Variants in SERF2 observed in about 807,000 individuals in gnomAD.
SERF2 encodes small EDRK-rich factor 2.
SERF2 carries 4 observed loss-of-function variants against 10.7 expected under a neutral mutation model. The observed-to-expected ratio is 0.37, with a 90% CI of 0.18 to 0.86. The LOEUF (loss-of-function observed/expected upper bound fraction) is 0.86. Among genes scored for constraint, SERF2 ranks in the 40% least tolerant of loss-of-function variants. The pLI is 0.43. For missense variants in SERF2, 47 were observed against 79.1 expected (o/e 0.59, Z 1.54); for synonymous variants, 26 against 26.0 (o/e 1.00, Z 0.01).
At position 43,794,731 on chromosome 15, in the gene SERF2, C is replaced by T. The variant is rs1448681889; in HGVS notation, c.*958C>T. On this transcript the variant is annotated 3_prime_UTR_variant, in exon 3 of 3. Coordinates refer to ENST00000249786, the MANE Select transcript of SERF2 (RefSeq NM_001018108.4). Reference sequence around the variant, plus strand: ...GAAAGGGCTGGTGCCACACTGTCTGCTGGGATCAGCGGTGGTTCTTTGAGC... The same window carrying T: ...GAAAGGGCTGGTGCCACACTGTCTGTTGGGATCAGCGGTGGTTCTTTGAGC... 5.0e-6 allele frequency: 2 copies of T among 401,484 alleles called. No individual in the cohort carries two copies. Among genetic ancestry groups the T allele is most frequent in the Non-Finnish European group, 9.1e-6 (2 of 220,246 alleles). 24.9% of individuals were successfully genotyped at this position (401,484 alleles called of 1,614,324 possible). A position where few individuals can be genotyped will look rare whatever the true frequency, so the allele number is the denominator to read the frequency against.
Position 43,795,335 on chromosome 15 carries a change from T to C in SERF2, c.*1562T>C, listed in dbSNP as rs775546000. On this transcript the variant is annotated 3_prime_UTR_variant, in exon 3 of 3. Coordinates refer to ENST00000249786, the MANE Select transcript of SERF2 (RefSeq NM_001018108.4). ...TCTGGAATGGCCTTGAATTGCTCTT[T>C]CCTTAAAATAGCTAGCTCTTCAGGA... 3 of 1,608,878 alleles carry C rather than the reference T, an allele frequency of 1.9e-6. No homozygotes were observed. The highest frequency in any genetic ancestry group is 1.3e-5 in the African/African-American group (1 of 74,892).
At chr15:43,788,523 C>T (rs2087026177), upstream of SERF2, among the ~76,000 whole-genome samples, 3 of 152,112 alleles carry the variant, frequency 2.0e-5, no homozygotes, top group South Asian at 6.2e-4. Flanking sequence ...ATTCTGTCAC[C>T]CAGGCTGGAG....
rs1368949338 is a variant in SERF2 at position 43,794,747 on chromosome 15, T to G, written c.*974T>G. 6.0e-5 allele frequency: 27 copies of G among 452,092 alleles called. 1 individual carries two copies. The highest frequency in any genetic ancestry group is 1.2e-3 in the Middle Eastern group (2 of 1,698). 28.0% of individuals were successfully genotyped at this position (452,092 alleles called of 1,614,324 possible). A position where few individuals can be genotyped will look rare whatever the true frequency, so the allele number is the denominator to read the frequency against. Reference sequence around the variant, plus strand: ...CACTGTCTGCTGGGATCAGCGGTGGTTCTTTGAGCTGCTGATTTGGGTGTT... The same window carrying G: ...CACTGTCTGCTGGGATCAGCGGTGGGTCTTTGAGCTGCTGATTTGGGTGTT... On this transcript the variant is annotated 3_prime_UTR_variant, in exon 3 of 3. Transcript: ENST00000249786.
Position 43,795,661 on chromosome 15 carries a change from T to A in SERF2, c.*1888T>A. Reference sequence around the variant, plus strand: ...TGGCACTCCACAGAGATCTACCACTTCTTATGGTTCCTCACTTGGCACTCA... The same window carrying A: ...TGGCACTCCACAGAGATCTACCACTACTTATGGTTCCTCACTTGGCACTCA... On this transcript the variant is annotated 3_prime_UTR_variant, in exon 3 of 3. Transcript: ENST00000249786. 6.2e-7 allele frequency: 1 copy of A among 1,613,256 alleles called. No homozygotes were observed. The highest frequency in any genetic ancestry group is 1.1e-5 in the South Asian group (1 of 91,054).
chr15:43,792,564 G>C, intron 1 of SERF2, 181 bp downstream of exon 1: 1 of 1,478,616 alleles, frequency 6.8e-7, no homozygotes, highest in African/African-American at 1.4e-5. Flanking sequence ...CTACTTCACG[G>C]GACCACCCTC....
At chr15:43,791,148 A>G (rs560396210), upstream of SERF2, among the ~76,000 whole-genome samples, 62 of 150,710 alleles carry the variant, frequency 4.1e-4, no homozygotes, top group Non-Finnish European at 8.3e-4. Flanking sequence ...ATCTCGGCTC[A>G]CTGCAAGCTC....
rs375673446 is a variant in SERF2, at chr15:43,777,156, C to T, written c.-873C>T. 3.3e-5 allele frequency: 22 copies of T among 671,380 alleles called. No homozygotes were observed. The African/African-American group carries it at 3.4e-4, about 10-fold the overall frequency. 41.6% of individuals were successfully genotyped at this position (671,380 alleles called of 1,614,324 possible). A position where few individuals can be genotyped will look rare whatever the true frequency, so the allele number is the denominator to read the frequency against. ...TAGGATCCGCATGAATCGCTTTGGG[C>T]TATCGGAAGAGCTATCCCCAGTTCT... On this transcript the variant is annotated 5_prime_UTR_variant, in exon 1 of 5. Transcript: ENST00000381359.
At chr15:43,781,714 C>T (rs1449475411) in intron 1 of SERF2, among the ~76,000 whole-genome samples, 1 of 151,026 alleles carries the variant, frequency 6.6e-6, no homozygotes, top group Non-Finnish European at 1.5e-5. Context: ...GCCTCAGCCT[C>T]CTGGGACTAT....
chr15:43,794,740 G>C lies in SERF2; in HGVS notation c.*967G>C, dbSNP rs567698201. ...GGTGCCACACTGTCTGCTGGGATCA[G>C]CGGTGGTTCTTTGAGCTGCTGATTT... On this transcript the variant is annotated 3_prime_UTR_variant, in exon 3 of 3. Coordinates refer to ENST00000249786, the MANE Select transcript of SERF2 (RefSeq NM_001018108.4). The C allele has an allele frequency of 9.1e-6, 4 of 439,360 alleles. No homozygotes were observed. The South Asian group carries it at 1.4e-4, about 15-fold the overall frequency. The allele number at this position is 439,360 out of a possible 1,614,324, so 27.2% of individuals were successfully genotyped here. A position where few individuals can be genotyped will look rare whatever the true frequency, so the allele number is the denominator to read the frequency against.
chr15:43,794,211 A>C lies in SERF2; in HGVS notation c.*438A>C. 2.0e-6 allele frequency: 1 copy of C among 492,326 alleles called. No individual in the cohort carries two copies. The highest frequency in any genetic ancestry group is 3.3e-5 in the East Asian group (1 of 30,262). The allele number at this position is 492,326 out of a possible 1,614,324, so 30.5% of individuals were successfully genotyped here. A position where few individuals can be genotyped will look rare whatever the true frequency, so the allele number is the denominator to read the frequency against. On this transcript the variant is annotated 3_prime_UTR_variant, in exon 3 of 3. Coordinates refer to ENST00000249786, the MANE Select transcript of SERF2 (RefSeq NM_001018108.4). ...CTTTATTATACAATGACAACCAAAC[A>C]AGTACTCCGGATATGCAGTAGAGGA...
rs555552798 is a variant in SERF2 at position 43,796,076 on chromosome 15, G to T, written c.*2303G>T. On this transcript the variant is annotated 3_prime_UTR_variant, in exon 3 of 3. Coordinates refer to ENST00000249786, the MANE Select transcript of SERF2 (RefSeq NM_001018108.4). ...CAGCAGCTATAATCTGAGCATTCTG[G>T]GTAGAGGTTGGTAGGATGTGTGTGT... The T allele has an allele frequency of 9.7e-7, 1 of 1,026,724 alleles. No individual in the cohort carries two copies. Among genetic ancestry groups the T allele is most frequent in the Admixed American group, 1.7e-5 (1 of 57,172 alleles). 63.6% of individuals were successfully genotyped at this position (1,026,724 alleles called of 1,614,324 possible).
At chr15:43,792,184 A>C, upstream of SERF2, 2 of 548,532 alleles carry the variant, frequency 3.6e-6, no homozygotes, top group African/African-American at 1.9e-5. Context: ...ACCCTCCGCC[A>C]CTTACCCACC....
At chr15:43,793,511 G>A in intron 2 of SERF2, 199 bp from the exon 3 acceptor site, 2 of 1,449,266 alleles carry the variant, frequency 1.4e-6, no homozygotes, top group South Asian at 2.9e-5. Flanking sequence ...CTGACCCCTT[G>A]GGCAACAGCC....
chr15:43,785,445 C>T (rs1232281546), exon 2 of SERF2: 2 of 151,894 alleles, frequency 1.3e-5, no homozygotes, highest in Non-Finnish European at 2.9e-5. Context: ...TGCTGGAGTA[C>T]GGTGGCGAGA....
At position 43,794,138 on chromosome 15, in the gene SERF2, C is replaced by G; in HGVS notation, c.*365C>G. On this transcript the variant is annotated 3_prime_UTR_variant, in exon 3 of 3. Transcript: ENST00000249786. ...CAAAAAAGGGAGAACTCTTTAGATT[C>G]AGATTGTGGGTATGTAGACTTAATA... 1.6e-6 allele frequency: 1 copy of G among 643,686 alleles called. No homozygotes were observed. Among genetic ancestry groups the G allele is most frequent in the South Asian group, 2.1e-5 (1 of 46,682 alleles). The allele number at this position is 643,686 out of a possible 1,614,324, so 39.9% of individuals were successfully genotyped here.
chr15:43,792,821 C>T, intron 1 of SERF2, 154 bp from the exon 2 acceptor site: 3 of 698,026 alleles, frequency 4.3e-6, no homozygotes, highest in African/African-American at 1.8e-5. Context: ...GCCACTCCCC[C>T]CTACCCCAAG....
At chr15:43,777,350 G>A (rs2086928649) in exon 1 of SERF2, 2 of 327,284 alleles carry the variant, frequency 6.1e-6, no homozygotes, top group South Asian at 4.7e-5. Flanking sequence ...GGCCTGGTTG[G>A]TAGGCGGGCT....
chr15:43,786,028 T>A (rs1400742715), intron 2 of SERF2, among the ~76,000 whole-genome samples: 1 of 151,912 alleles, frequency 6.6e-6, no homozygotes, highest in Non-Finnish European at 1.5e-5. Flanking sequence ...TTTCTGCTTG[T>A]GTTTTTTTGG....
In SERF2 at chr15:43,794,069, G is replaced by T; in HGVS notation, c.*296G>T. On this transcript the variant is annotated 3_prime_UTR_variant, in exon 3 of 3. Transcript: ENST00000249786. The stretch of plus-strand genomic sequence containing the variant: ...TTCCTTGAGCGCCTGGTTTGACTGG[G>T]GACTTGGGGGGATGGGGTTGGAAGA... 8.4e-7 allele frequency: 1 copy of T among 1,193,040 alleles called. No homozygotes were observed. The highest frequency in any genetic ancestry group is 1.1e-6 in the Non-Finnish European group (1 of 880,726). 73.9% of individuals were successfully genotyped at this position (1,193,040 alleles called of 1,614,324 possible).
Sources: gnomAD v4.1 joint callset for allele counts (sites outside exome capture counted in the v4.1 genomes callset) on GRCh38, gnomAD v4.1.1 for gene constraint, MANE v1.5 for transcripts, NCBI Gene and HGNC (gene_info 2026-07-23, HGNC 2026-07-21) for gene names.